The following PFAS variants were observed in gnomAD, a reference collection of about 807,000 sequenced individuals.
PFAS encodes the protein FGAM synthase.
A neutral mutation model predicts 140.6 loss-of-function variants in PFAS; 97 were observed. The observed-to-expected ratio is 0.69, with a 90% CI of 0.59 to 0.82. PFAS has a LOEUF of 0.82. Among genes scored for constraint, PFAS ranks in the 40% least tolerant of loss-of-function variants. PFAS has a pLI of 0.00. For synonymous variants in PFAS, 679 were observed against 718.8 expected (o/e 0.94, Z 0.88); for missense variants, 1,656 against 1,780.2 (o/e 0.93, Z 1.26).
Position 8,266,178 on chromosome 17 carries a change from G to T in PFAS, c.2702-56G>T. The T allele has an allele frequency of 1.2e-6, 2 of 1,606,214 alleles. No homozygotes were observed. Among genetic ancestry groups the T allele is most frequent in the East Asian group, 2.2e-5 (1 of 44,802 alleles). ...TGATGGACTGACTCCGGAAGGTGGG[G>T]TGGGGCTGTCAGGTTTGGGTCCCGA... On this transcript the variant is annotated intron_variant, in intron 21 of 27. Coordinates refer to ENST00000314666, the MANE Select transcript of PFAS (RefSeq NM_012393.3). The surrounding 1 kb of genome is among the most constrained non-coding windows in gnomAD (Gnocchi z 5.0).
chr17:8,264,694 G>A (rs1989739304), intron 17 of PFAS, 93 bp downstream of exon 17: 1 of 1,383,954 alleles, frequency 7.2e-7, no homozygotes, highest in South Asian at 1.4e-5. Context: ...GGGGGTTTTT[G>A]CCTGGCCCTG....
chr17:8,265,673 CTTGTGTGATCTTTGT>C, intron 20 of PFAS, 34 bp downstream of exon 20: 1 of 1,576,106 alleles, frequency 6.3e-7, no homozygotes, highest in Non-Finnish European at 8.7e-7. Flanking sequence ...GTGATCTTTG[CTTGTGTGATCTTTGT>C]TTGGCTCCTG....
intron 11 of PFAS, chr17:8,262,563 G>A (rs1989634252): frequency 8.7e-6 from 2 of 230,164 alleles, no homozygotes; most frequent in African/African-American, 2.3e-5. Context: ...GGAGGCCGAG[G>A]TGGGCGGATC....
intron 20 of PFAS, 107 bp from the exon 21 acceptor site, chr17:8,265,755 A>T: frequency 7.4e-7 from 1 of 1,350,756 alleles, no homozygotes; most frequent in Non-Finnish European, 1.1e-6. Context: ...TCTGGGACTG[A>T]TTGTCTAGGT....
chr17:8,248,216 A>C (rs990749535), upstream of PFAS: 23 of 592,436 alleles, frequency 3.9e-5, no homozygotes, highest in South Asian at 1.2e-4. Context: ...CACCATCCCA[A>C]CTCCCGACAC....
At position 8,265,341 on chromosome 17, in the gene PFAS, C is replaced by T. The variant is rs529005464; in HGVS notation, c.2334C>T (p.Gly778=). The T allele has an allele frequency of 2.0e-5, 33 of 1,614,124 alleles. No individual in the cohort carries two copies. The highest frequency in any genetic ancestry group is 8.9e-5 in the East Asian group (4 of 44,890). ...WMWAAKLPGE[G]AALADACEAM... ...GGGCAGCCAAGCTCCCAGGGGAGGG[C>T]GCAGCTTTGGCGGATGCCTGTGAGG... Residue 778 remains glycine (G), a synonymous_variant, in exon 19 of 28, where the codon GGC becomes GGT. Transcript: ENST00000314666.
At chr17:8,257,606 A>G (rs1989425632) in intron 9 of PFAS, among the ~76,000 whole-genome samples, 2 of 151,900 alleles carry the variant, frequency 1.3e-5, no homozygotes, top group Non-Finnish European at 2.9e-5. Context: ...ATTCAGAGGG[A>G]AGGCTGGTGT....
chr17:8,258,782 C>T (rs143323164), intron 11 of PFAS, among the ~76,000 whole-genome samples: 111 of 151,948 alleles, frequency 7.3e-4, no homozygotes, highest in African/African-American at 2.5e-3. Context: ...GTCAGGAGAT[C>T]GAGACCATCC....
At chr17:8,262,258 C>G (rs992751526) in intron 11 of PFAS, among the ~76,000 whole-genome samples, 1 of 152,082 alleles carries the variant, frequency 6.6e-6, no homozygotes, top group Non-Finnish European at 1.5e-5. Context: ...CCATAGTTTA[C>G]TTAATGAGGT....
chr17:8,268,163 G>A (rs994042200), intron 26 of PFAS, among the ~76,000 whole-genome samples: 1 of 145,522 alleles, frequency 6.9e-6, no homozygotes, highest in African/African-American at 2.5e-5. Flanking sequence ...CTGGGTTCAA[G>A]CGATTTTCCT....
In PFAS at chr17:8,264,962, C is replaced by G; in HGVS notation, c.2117C>G (p.Ala706Gly). The change falls in exon 18 of 28, where the codon GCA (alanine) becomes GGA (glycine). Residue 706 changes from alanine to glycine, a missense_variant. By Grantham distance (60) the Ala-to-Gly change is moderately conservative. Coordinates refer to ENST00000314666, the MANE Select transcript of PFAS (RefSeq NM_012393.3). ...GTGGGGCCCCTGCAAACTCCTCTGG[C>G]AGATGTAGCGGTTGTGGCACTGAGC... Reference protein sequence around the residue: ...QCVGPLQTPLADVAVVALSHE... With the variant: ...QCVGPLQTPLGDVAVVALSHE... The G allele has an allele frequency of 1.2e-6, 2 of 1,612,066 alleles. No individual in the cohort carries two copies. Among genetic ancestry groups the G allele is most frequent in the East Asian group, 2.2e-5 (1 of 44,804 alleles).
chr17:8,269,658 G>A lies in PFAS; in HGVS notation c.*394G>A, dbSNP rs147294073. The stretch of plus-strand genomic sequence containing the variant: ...TTGCGCTCCCTTTTCTCATCATTGG[G>A]GTTAGCGGGTGCAGACAAATTCAGC... On this transcript the variant is annotated 3_prime_UTR_variant, in exon 28 of 28. Coordinates refer to ENST00000314666, the MANE Select transcript of PFAS (RefSeq NM_012393.3). 164 of 194,676 alleles carry A rather than the reference G, an allele frequency of 8.4e-4. 1 individual carries two copies. The highest frequency in any genetic ancestry group is 3.5e-3 in the African/African-American group (152 of 42,982). 12.1% of individuals were successfully genotyped at this position (194,676 alleles called of 1,614,324 possible).
At position 8,266,706 on chromosome 17, in the gene PFAS, C is replaced by A; in HGVS notation, c.2822-47C>A. 1 of 1,564,156 alleles carries A rather than the reference C, an allele frequency of 6.4e-7. No individual in the cohort carries two copies. The highest frequency in any genetic ancestry group is 8.6e-7 in the Non-Finnish European group (1 of 1,157,620). Reference sequence around the variant, plus strand: ...CATTTCCCTGATCCCGCCCCAACTCCCTTGGCCCTTCTTGCATCCCCCTGA... The same window carrying A: ...CATTTCCCTGATCCCGCCCCAACTCACTTGGCCCTTCTTGCATCCCCCTGA... On this transcript the variant is annotated intron_variant, in intron 22 of 27. Transcript: ENST00000314666. This position sits in a 1 kb window ranked among gnomAD's most constrained non-coding sequence, Gnocchi z 5.0.
At position 8,266,346 on chromosome 17, in the gene PFAS, G is replaced by C. The variant is rs755497237; in HGVS notation, c.2814G>C (p.Arg938Ser). The C allele has an allele frequency of 5.6e-6, 9 of 1,613,902 alleles. No individual in the cohort carries two copies. Among genetic ancestry groups the C allele is most frequent in the South Asian group, 1.1e-5 (1 of 91,082 alleles). ...CGLQVDVPVP[R>S]VDVLSVLFAE... ...TACAGGTGGATGTGCCTGTCCCCAG[G>C]GTTGATGGTAAGGAACCTGGGGTCT... The change falls in exon 22 of 28, where the codon AGG becomes AGC. Residue 938 changes from arginine (R) to serine (S), a missense_variant. Coordinates refer to ENST00000314666, the MANE Select transcript of PFAS (RefSeq NM_012393.3). This position sits in a 1 kb window ranked among gnomAD's most constrained non-coding sequence, Gnocchi z 5.0.
chr17:8,250,719 C>T (rs1015362157), intron 1 of PFAS, among the ~76,000 whole-genome samples: 1 of 152,068 alleles, frequency 6.6e-6, no homozygotes, highest in African/African-American at 2.4e-5. Context: ...CACTGGAGGT[C>T]AATACACCAA....
chr17:8,268,904 G>A (rs1487830234), intron 27 of PFAS, 48 bp downstream of exon 27: 1 of 1,612,716 alleles, frequency 6.2e-7, no homozygotes, highest in Non-Finnish European at 8.5e-7. Flanking sequence ...TGGGGGCAAG[G>A]GTGGGCATGA....
rs776366752 is a variant in PFAS, at chr17:8,253,922, A to G, written c.-16A>G. ...CAGCAAAGGACACCTCTCTCCAGCA[A>G]AGGACACCTGCAGAGATGTCCCCAG... On this transcript the variant is annotated 5_prime_UTR_variant, in exon 2 of 28. Coordinates refer to ENST00000314666, the MANE Select transcript of PFAS (RefSeq NM_012393.3). The G allele has an allele frequency of 3.1e-6, 5 of 1,604,472 alleles. No homozygotes were observed. The East Asian group carries it at 1.1e-4, about 36-fold the overall frequency.
chr17:8,261,383 C>T (rs1339497844), intron 11 of PFAS, among the ~76,000 whole-genome samples: 2 of 151,670 alleles, frequency 1.3e-5, no homozygotes, highest in African/African-American at 2.4e-5. Context: ...ATTACAGGCA[C>T]GTGCCACCAC....
intron 1 of PFAS, among the ~76,000 whole-genome samples, chr17:8,253,340 G>T (rs1197538008): frequency 6.6e-6 from 1 of 152,144 alleles, no homozygotes; most frequent in Non-Finnish European, 1.5e-5. Context: ...CACGTGTCAG[G>T]TGTGTGCCTG....
Sources: allele counts gnomAD v4.1 joint callset (sites outside exome capture counted in the v4.1 genomes callset), GRCh38; gene constraint gnomAD v4.1.1; non-coding constraint Gnocchi (gnomAD v3.1); transcripts MANE v1.5; gene names NCBI Gene and HGNC (gene_info 2026-07-23, HGNC 2026-07-21).